The following FHIT variants were observed in gnomAD, a reference collection of about 807,000 sequenced individuals.
FHIT encodes the protein fragile histidine triad diadenosine triphosphatase.
A neutral mutation model predicts 17.9 loss-of-function variants in FHIT; 19 were observed. The ratio of observed to expected loss-of-function variants is 1.06; its 90% confidence interval spans 0.74 to 1.56. FHIT has a LOEUF of 1.56. Ranked by LOEUF, FHIT falls within the 40% of genes most tolerant of loss-of-function variation. The pLI, the probability that FHIT is intolerant of heterozygous loss-of-function variation, is 0.00. For synonymous variants in FHIT, 81 were observed against 69.7 expected (o/e 1.16, Z -0.81); for missense variants, 248 against 189.2 (o/e 1.31, Z -1.82).
intron 5 of FHIT, among the ~76,000 whole-genome samples, chr3:60,166,486 TA>T (rs2107385212): frequency 6.6e-6 from 1 of 152,314 alleles, no homozygotes; most frequent in African/African-American, 2.4e-5. Context: ...AGCAGTGTGC[TA>T]AGCAGTACCC....
intron 5 of FHIT, among the ~76,000 whole-genome samples, chr3:60,252,866 C>T (rs1273916373): frequency 6.6e-6 from 1 of 151,580 alleles, no homozygotes; most frequent in African/African-American, 2.4e-5. Flanking sequence ...GGCGTGGTGG[C>T]GGGTGCCTGT....
chr3:60,848,005 A>C (rs1041805918), intron 3 of FHIT, among the ~76,000 whole-genome samples: 1 of 152,136 alleles, frequency 6.6e-6, no homozygotes, highest in African/African-American at 2.4e-5. Flanking sequence ...CCTAGTTTGC[A>C]CTTCCTACTT....
At chr3:60,654,888 G>A (rs1337229051) in intron 4 of FHIT, among the ~76,000 whole-genome samples, 1 of 152,138 alleles carries the variant, frequency 6.6e-6, no homozygotes, top group Non-Finnish European at 1.5e-5. Flanking sequence ...GACCGAGAAT[G>A]GAAAGTGGAA....
intron 5 of FHIT, among the ~76,000 whole-genome samples, chr3:60,153,883 T>C (rs967628062): frequency 2.0e-5 from 3 of 152,334 alleles, no homozygotes; most frequent in Admixed American, 6.5e-5. Context: ...TGCTAGGTGC[T>C]GGGCATACAA....
chr3:60,590,474 G>T (rs1216598238), intron 4 of FHIT, among the ~76,000 whole-genome samples: 2 of 152,020 alleles, frequency 1.3e-5, no homozygotes, highest in Non-Finnish European at 2.9e-5. Context: ...TTTTCATAGA[G>T]TCCATGCACT....
chr3:60,695,542 A>G (rs2107895592), intron 4 of FHIT, among the ~76,000 whole-genome samples: 1 of 152,338 alleles, frequency 6.6e-6, no homozygotes, highest in Middle Eastern at 3.4e-3. Flanking sequence ...TAAATTATTT[A>G]TGCTTCATTT....
At chr3:60,883,808 A>AT (rs1705082279) in intron 3 of FHIT, among the ~76,000 whole-genome samples, 1 of 152,126 alleles carries the variant, frequency 6.6e-6, no homozygotes, top group African/African-American at 2.4e-5. Flanking sequence ...CTGGGCAAAG[A>AT]TTTTTTGGAT....
In FHIT at chr3:60,523,137, C is replaced by A. The variant is rs114016079; in HGVS notation, c.103+13723G>T. On this transcript the variant is annotated intron_variant, in intron 5 of 9. Transcript: ENST00000492590. ...ATCCCTGTGATTCAATTATCTCCCA[C>A]GGGCTCCCTCCCATAACACGTGGGA... Among the ~76,000 whole-genome samples the A allele has an allele frequency of 2.6e-3, 393 of 152,256 alleles. 4 individuals are homozygous for A. The highest frequency in any genetic ancestry group is 9.1e-3 in the African/African-American group (377 of 41,544).
intron 4 of FHIT, among the ~76,000 whole-genome samples, chr3:60,803,188 G>A (rs1255170439): frequency 6.6e-6 from 1 of 152,030 alleles, no homozygotes; most frequent in Non-Finnish European, 1.5e-5. Context: ...AAATCGGTGG[G>A]GTTGCTCTTT....
chr3:60,972,890 A>G (rs747993205), intron 3 of FHIT, among the ~76,000 whole-genome samples: 5 of 152,168 alleles, frequency 3.3e-5, no homozygotes, highest in Admixed American at 6.6e-5. Flanking sequence ...CTGTAATTTT[A>G]ACTTTCATGT....
intron 8 of FHIT, among the ~76,000 whole-genome samples, chr3:59,907,487 A>G (rs1704637788): frequency 6.6e-6 from 1 of 152,170 alleles, no homozygotes; most frequent in Non-Finnish European, 1.5e-5. Flanking sequence ...GACACAGAAG[A>G]GTTCTAACTG....
intron 5 of FHIT, among the ~76,000 whole-genome samples, chr3:60,090,770 G>C (rs986929215): frequency 4.6e-5 from 7 of 152,142 alleles, no homozygotes; most frequent in Admixed American, 1.3e-4. Flanking sequence ...CACAGACTTT[G>C]GGTGAAACAT....
At chr3:60,643,693 A>G (rs893641738) in intron 4 of FHIT, among the ~76,000 whole-genome samples, 21 of 152,212 alleles carry the variant, frequency 1.4e-4, no homozygotes, top group African/African-American at 5.1e-4. Context: ...TGATCACCTT[A>G]GGGTTGCAGT....
At chr3:60,395,430 T>C (rs1228947958) in intron 5 of FHIT, among the ~76,000 whole-genome samples, 5 of 152,164 alleles carry the variant, frequency 3.3e-5, no homozygotes, top group African/African-American at 1.2e-4. Flanking sequence ...AATTAAAAAG[T>C]GGAATCCATA....
At chr3:60,642,208 G>A (rs1482672774) in intron 4 of FHIT, among the ~76,000 whole-genome samples, 8 of 152,100 alleles carry the variant, frequency 5.3e-5, no homozygotes, top group Admixed American at 3.9e-4. Context: ...TCAACCTCCT[G>A]GGTCAACAAG....
chr3:60,375,408 T>TAAA (rs144193166), intron 5 of FHIT, among the ~76,000 whole-genome samples: 8 of 142,880 alleles, frequency 5.6e-5, no homozygotes, highest in Admixed American at 2.8e-4. Context: ...ATCTCTACTT[T>TAAA]AAAAAAAAAA....
At chr3:60,030,815 G>C (rs988822709) in intron 5 of FHIT, among the ~76,000 whole-genome samples, 1 of 152,148 alleles carries the variant, frequency 6.6e-6, no homozygotes, top group African/African-American at 2.4e-5. Flanking sequence ...ACGAATGACT[G>C]TTGAATGAAT....
At chr3:60,389,731 T>C (rs925283868) in intron 5 of FHIT, among the ~76,000 whole-genome samples, 2 of 152,232 alleles carry the variant, frequency 1.3e-5, no homozygotes, top group African/African-American at 4.8e-5. Context: ...AAGCCATTGT[T>C]CACTTAAGTA....
At chr3:61,188,797 T>C (rs2038612609) in intron 2 of FHIT, among the ~76,000 whole-genome samples, 2 of 152,142 alleles carry the variant, frequency 1.3e-5, no homozygotes, top group Non-Finnish European at 2.9e-5. Context: ...TCAATAAATG[T>C]AATCCAGCAT....
Sources: gnomAD v4.1 joint callset for allele counts (sites outside exome capture counted in the v4.1 genomes callset) on GRCh38, gnomAD v4.1.1 for gene constraint, MANE v1.5 for transcripts, NCBI Gene and HGNC (gene_info 2026-07-23, HGNC 2026-07-21) for gene names.